The following COL22A1 variants were observed in gnomAD, a reference collection of about 807,000 sequenced individuals.
The protein encoded by COL22A1 is collagen type XXII alpha 1 chain.
COL22A1 carries 221 observed loss-of-function variants against 248.9 expected under a neutral mutation model. The observed-to-expected ratio is 0.89, with a 90% CI of 0.80 to 0.99. The LOEUF (loss-of-function observed/expected upper bound fraction) is 0.99. COL22A1 is among the 50% of genes least tolerant of loss of function. The probability of loss-of-function intolerance (pLI) is 0.00; values close to 1 mark genes in which losing one functional copy is unlikely to be tolerated. For missense variants in COL22A1, 2,240 were observed against 2,179.0 expected, an observed-to-expected ratio of 1.03 and a Z score of -0.56; for synonymous variants, 891 against 793.4, an observed-to-expected ratio of 1.12 and a Z score of -2.07.
rs1032372098 is a variant in COL22A1, at chr8:138,844,303, T to A, written c.659-145A>T. 42 of 722,208 alleles carry A rather than the reference T, an allele frequency of 5.8e-5. No homozygotes were observed. The Admixed American group carries it at 8.5e-4, about 15-fold the overall frequency. 44.7% of individuals were successfully genotyped at this position (722,208 alleles called of 1,614,324 possible). On this transcript the variant is annotated intron_variant, in intron 3 of 64. Transcript: ENST00000303045. ...GGAGAAGATGCAGAGGCAGCTGGCA[T>A]CTCCGCACTCACTCATGTTTTCATT...
At chr8:138,623,640 A>C (rs7836250) in intron 52 of COL22A1, 92 bp downstream of exon 52, 962,167 of 1,089,340 alleles carry the variant, frequency 0.88, 428,948 homozygotes, top group Middle Eastern at 0.93. Context: ...TATCTTCGAG[A>C]CTGGTTCAAA....
chr8:138,648,196 C>T (rs1265654802), intron 46 of COL22A1, among the ~76,000 whole-genome samples: 1 of 152,208 alleles, frequency 6.6e-6, no homozygotes, highest in Non-Finnish European at 1.5e-5. Context: ...GGCCCCTGTT[C>T]CTTCCAGGGT....
At chr8:138,870,731 C>A (rs759544949) in intron 3 of COL22A1, among the ~76,000 whole-genome samples, 2 of 150,946 alleles carry the variant, frequency 1.3e-5, no homozygotes, top group South Asian at 4.2e-4. Flanking sequence ...GTGTGGTGTG[C>A]ATAGTGTTTG....
At chr8:138,756,804 T>C (rs1296920736) in intron 18 of COL22A1, among the ~76,000 whole-genome samples, 1 of 152,110 alleles carries the variant, frequency 6.6e-6, no homozygotes, top group African/African-American at 2.4e-5. Flanking sequence ...ACATTTACAA[T>C]GTATCTTCCA....
At position 138,594,073 on chromosome 8, in the gene COL22A1, G is replaced by T. The variant is rs777206646; in HGVS notation, c.4559C>A (p.Pro1520Gln). ...LPGRAGPMGE[P>Q]GRPGQGGLEG... ...CAGACCCCCCTGCCCAGGACGACCT[G>T]GCTCCCCCATGGGGCCGGCCCGGCC... Residue 1520 changes from proline to glutamine, a missense_variant, in exon 63 of 65, where the codon CCA (proline) becomes CAA (glutamine). Transcript: ENST00000303045. 2 of 1,590,078 alleles carry T rather than the reference G, an allele frequency of 1.3e-6. No homozygotes were observed. Among genetic ancestry groups the T allele is most frequent in the Admixed American group, 1.9e-5 (1 of 53,314 alleles).
chr8:138,601,906 A>G (rs966046164), intron 60 of COL22A1, among the ~76,000 whole-genome samples: 1 of 152,210 alleles, frequency 6.6e-6, no homozygotes, highest in Non-Finnish European at 1.5e-5. Flanking sequence ...CATAATAATA[A>G]CATCAAGTAC....
At chr8:138,682,425 TTTA>T (rs1239889002) in intron 39 of COL22A1, among the ~76,000 whole-genome samples, 2 of 152,164 alleles carry the variant, frequency 1.3e-5, no homozygotes, top group African/African-American at 4.8e-5. Flanking sequence ...CAATAACACT[TTTA>T]TTATTATTTT....
At chr8:138,645,881 A>C (rs1463972623) in intron 47 of COL22A1, among the ~76,000 whole-genome samples, 2 of 152,186 alleles carry the variant, frequency 1.3e-5, no homozygotes, top group African/African-American at 4.8e-5. Context: ...CTGCAGCAGC[A>C]CAGAGGCCAC....
intron 21 of COL22A1, among the ~76,000 whole-genome samples, chr8:138,752,727 C>T (rs536368522): frequency 4.1e-4 from 63 of 152,304 alleles, no homozygotes; most frequent in African/African-American, 1.4e-3. Context: ...GTTTCCATTT[C>T]GAGAATGGGA....
rs1290669872 is a variant in COL22A1 at position 138,821,400 on chromosome 8, C to A, written c.981G>T (p.Arg327=). ...DQYSIPQVSI[R]LDGENKAVEY... ...CGACTGCCTTGTTTTCACCATCCAG[C>A]CGGATGGAGACCTGGGGAGGAAAGG... Residue 327 remains arginine (R), a synonymous_variant, in exon 7 of 65, where the codon CGG becomes CGT. Coordinates refer to ENST00000303045, the MANE Select transcript of COL22A1 (RefSeq NM_152888.3). The A allele has an allele frequency of 1.2e-6, 2 of 1,612,100 alleles. No homozygotes were observed. The highest frequency in any genetic ancestry group is 8.5e-7 in the Non-Finnish European group (1 of 1,178,454).
At chr8:138,888,773 G>T (rs922193706) in intron 1 of COL22A1, among the ~76,000 whole-genome samples, 2 of 152,184 alleles carry the variant, frequency 1.3e-5, no homozygotes, top group African/African-American at 2.4e-5. Context: ...AGTCAGAGCT[G>T]ATCGCCCAGC....
chr8:138,609,707 G>A (rs954432673), intron 56 of COL22A1, among the ~76,000 whole-genome samples: 12 of 152,010 alleles, frequency 7.9e-5, no homozygotes, highest in East Asian at 3.9e-4. Context: ...TCTTCCCTTC[G>A]CAGGGAGGAT....
intron 2 of COL22A1, among the ~76,000 whole-genome samples, chr8:138,882,714 C>T (rs1210013335): frequency 6.6e-6 from 1 of 150,864 alleles, no homozygotes; most frequent in African/African-American, 2.4e-5. Flanking sequence ...ACACACACTC[C>T]CTCACACTCC....
At chr8:138,837,998 G>C (rs564562537) in intron 4 of COL22A1, among the ~76,000 whole-genome samples, 1 of 152,258 alleles carries the variant, frequency 6.6e-6, no homozygotes, top group South Asian at 2.1e-4. Context: ...GGGAGTTCTT[G>C]AGGTGGGAGC....
In COL22A1 at chr8:138,700,113, G is replaced by A. The variant is rs1442795380; in HGVS notation, c.2591C>T (p.Pro864Leu). ...TSLFTPHPRM[P>L]GEQGPKGEKG... ...CCCCGAGGCACCGCTACTACTTACGGGCATCCGTGGATGTGGTGTGAACAG... is the reference window on the plus strand; with the variant it reads ...CCCCGAGGCACCGCTACTACTTACGAGCATCCGTGGATGTGGTGTGAACAG... The change falls in exon 32 of 65, where the codon CCC (proline) becomes CTC (leucine). Residue 864 changes from proline to leucine, a missense_variant and splice_region_variant. Physicochemically the swap from Pro to Leu is moderately conservative, Grantham distance 98 (BLOSUM62 -3). Transcript: ENST00000303045. The A allele has an allele frequency of 6.2e-7, 1 of 1,613,380 alleles. No homozygotes were observed. Among genetic ancestry groups the A allele is most frequent in the Admixed American group, 1.7e-5 (1 of 59,990 alleles).
intron 38 of COL22A1, among the ~76,000 whole-genome samples, chr8:138,684,771 G>A (rs534597684): frequency 5.3e-5 from 8 of 152,268 alleles, no homozygotes; most frequent in South Asian, 2.1e-4. Context: ...GCAAGGCCTC[G>A]TTTCAAAGCA....
At chr8:138,875,548 G>A (rs1482486328) in intron 3 of COL22A1, among the ~76,000 whole-genome samples, 2 of 152,202 alleles carry the variant, frequency 1.3e-5, no homozygotes, top group Admixed American at 6.5e-5. Context: ...TTGTTCCTGA[G>A]CTACCACATT....
intron 3 of COL22A1, among the ~76,000 whole-genome samples, chr8:138,873,771 G>T (rs764832773): frequency 1.3e-5 from 2 of 152,140 alleles, no homozygotes; most frequent in Non-Finnish European, 2.9e-5. Context: ...AATGAATGAA[G>T]GGAATGTTTA....
At chr8:138,787,626 A>C (rs1224462753) in intron 12 of COL22A1, among the ~76,000 whole-genome samples, 6 of 152,252 alleles carry the variant, frequency 3.9e-5, no homozygotes, top group Admixed American at 3.9e-4. Context: ...TCAGGATATA[A>C]GAGAATGACA....
Sources: allele counts gnomAD v4.1 joint callset (sites outside exome capture counted in the v4.1 genomes callset), GRCh38; gene constraint gnomAD v4.1.1; transcripts MANE v1.5; gene names NCBI Gene and HGNC (gene_info 2026-07-23, HGNC 2026-07-21).